Variants in ZSCAN21 observed in about 807,000 individuals in gnomAD.
ZSCAN21 encodes the protein zinc finger and SCAN domain-containing protein 21.
A neutral mutation model predicts 35.6 loss-of-function variants in ZSCAN21; 26 were observed. The observed-to-expected ratio is 0.73, with a 90% CI of 0.54 to 1.01. ZSCAN21 has a LOEUF of 1.01. ZSCAN21 is among the 50% of genes least tolerant of loss of function. ZSCAN21 has a pLI of 0.00. For missense variants in ZSCAN21, 593 were observed against 587.1 expected, an observed-to-expected ratio of 1.01 and a Z score of -0.10; for synonymous variants, 219 against 219.3, an observed-to-expected ratio of 1.00 and a Z score of 0.01.
intron 3 of ZSCAN21, among the ~76,000 whole-genome samples, chr7:100,062,921 CTG>C (rs1431068783): frequency 6.6e-6 from 1 of 152,208 alleles, no homozygotes; most frequent in Admixed American, 6.5e-5. Flanking sequence ...GGGTCTCACT[CTG>C]TTGCCCAGGC....
chr7:100,063,688 G>A, intron 3 of ZSCAN21, 100 bp from the exon 4 acceptor site: 2 of 1,155,788 alleles, frequency 1.7e-6, no homozygotes, highest in African/African-American at 1.5e-5. Flanking sequence ...TCACCCTTCA[G>A]AAACCATCAG....
chr7:100,059,675 C>T (rs1562847526), intron 3 of ZSCAN21, among the ~76,000 whole-genome samples: 1 of 151,956 alleles, frequency 6.6e-6, no homozygotes, highest in Admixed American at 6.6e-5. Flanking sequence ...GCCTCAGCCT[C>T]CCGAGTAGCT....
chr7:100,057,854 G>C lies in ZSCAN21; in HGVS notation c.556G>C (p.Glu186Gln). Residue 186 changes from glutamate (E) to glutamine (Q), a missense_variant, in exon 3 of 4, where the codon GAG (glutamate) becomes CAG (glutamine). Coordinates refer to ENST00000292450, the MANE Select transcript of ZSCAN21 (RefSeq NM_145914.3). ...CCTGTACATCCAAGAGTCTGGTGAG[G>C]AGCAGGAGTTCGCTCAAGATCCAAG... ...GPLYIQESGE[E>Q]QEFAQDPRKV... is the part of the protein sequence containing the mutation. 1 of 1,612,444 alleles carries C rather than the reference G, an allele frequency of 6.2e-7. No individual in the cohort carries two copies. The highest frequency in any genetic ancestry group is 1.3e-5 in the African/African-American group (1 of 74,916).
intron 1 of ZSCAN21, among the ~76,000 whole-genome samples, chr7:100,053,546 A>ATACATACATACATACATAT (rs755978112): frequency 1.3e-5 from 1 of 79,488 alleles, no homozygotes; most frequent in Non-Finnish European, 2.6e-5. Context: ...TACATACATA[A>ATACATACATACATACATAT]TTTTTTTTTT....
intron 3 of ZSCAN21, 143 bp downstream of exon 3, chr7:100,058,033 T>C: frequency 2.9e-6 from 2 of 692,234 alleles, no homozygotes; most frequent in Non-Finnish European, 4.4e-6. Context: ...TAGTCCCCTT[T>C]CCTCCCCCAA....
Position 100,063,594 on chromosome 7 carries a change from C to CA in ZSCAN21, c.593-183dup, listed in dbSNP as rs138796923. Among the ~76,000 whole-genome samples, 206 of 142,382 alleles carry CA rather than the reference C, an allele frequency of 1.4e-3. 4 individuals carry two copies. The South Asian group carries it at 0.029, about 20-fold the overall frequency. 93.4% of individuals were successfully genotyped at this position (142,382 alleles called of 152,430 possible). A position where few individuals can be genotyped will look rare whatever the true frequency, so the allele number is the denominator to read the frequency against. ...GCCTGCTGACAGCGAGACTCCATCT[C>CA]AAAAAAAAAAAGAAGTGCAGTATTG... On this transcript the variant is annotated intron_variant, in intron 3 of 3. Coordinates refer to ENST00000292450, the MANE Select transcript of ZSCAN21 (RefSeq NM_145914.3).
rs558746672 is a variant in ZSCAN21, at chr7:100,049,861, G to A, written c.-97+20G>A. 6.6e-6 allele frequency: 1 copy of A among 152,498 alleles called. No individual in the cohort carries two copies. The highest frequency in any genetic ancestry group is 2.4e-5 in the African/African-American group (1 of 41,488). The allele number at this position is 152,498 out of a possible 1,614,324, so 9.4% of individuals were successfully genotyped here. On this transcript the variant is annotated intron_variant, in intron 1 of 3. Transcript: ENST00000292450. ...TTCATGGTGAGCCTGCTGGTCGCGG[G>A]TTAGCGAGGCGGACAGGAGAGGGAG... is the stretch of plus-strand genomic sequence containing the variant.
At chr7:100,060,176 C>G (rs1425877855) in intron 3 of ZSCAN21, among the ~76,000 whole-genome samples, 1 of 152,214 alleles carries the variant, frequency 6.6e-6, no homozygotes, top group Non-Finnish European at 1.5e-5. Flanking sequence ...TGAAATGCTA[C>G]TTAGAAAGAT....
In ZSCAN21 at chr7:100,064,067, A is replaced by G. The variant is rs1382172687; in HGVS notation, c.872A>G (p.Asn291Ser). ...ECGKAFSNSSNLTKHRRTHTG... is the reference protein window; with the variant it reads ...ECGKAFSNSSSLTKHRRTHTG... ...GGCAAAGCCTTTAGTAATAGCTCAA[A>G]TCTCACCAAACACAGGAGAACACAC... The change falls in exon 4 of 4, where the codon AAT becomes AGT. Residue 291 changes from asparagine (N) to serine (S), a missense_variant. By Grantham distance (46) the Asn-to-Ser change is conservative (BLOSUM62 1). Transcript: ENST00000292450. 1.2e-6 allele frequency: 2 copies of G among 1,614,050 alleles called. No homozygotes were observed. Among genetic ancestry groups the G allele is most frequent in the African/African-American group, 2.7e-5 (2 of 74,930 alleles).
intron 1 of ZSCAN21, among the ~76,000 whole-genome samples, chr7:100,053,546 A>ATACATAGTTTTTTTTTTTTT (rs755978112): frequency 1.3e-5 from 1 of 79,488 alleles, no homozygotes. Flanking sequence ...TACATACATA[A>ATACATAGTTTTTTTTTTTTT]TTTTTTTTTT....
Position 100,064,557 on chromosome 7 carries a change from T to G in ZSCAN21, c.1362T>G (p.Cys454Trp). ...YWCHHCGKTF[C>W]SKSNLSKHQR... ...GTCATCACTGTGGAAAGACCTTCTG[T>G]AGCAAGTCCAATCTTTCCAAACATC... The change falls in exon 4 of 4, where the codon TGT becomes TGG. Residue 454 changes from cysteine to tryptophan, a missense_variant. Transcript: ENST00000292450. 6.2e-7 allele frequency: 1 copy of G among 1,614,176 alleles called. No homozygotes were observed. Among genetic ancestry groups the G allele is most frequent in the Non-Finnish European group, 8.5e-7 (1 of 1,180,042 alleles).
chr7:100,054,284 C>G (rs1236610107), intron 1 of ZSCAN21, among the ~76,000 whole-genome samples: 2 of 151,300 alleles, frequency 1.3e-5, no homozygotes, highest in Non-Finnish European at 2.9e-5. Context: ...GAGTCTCACT[C>G]TGTTGCCCAG....
Position 100,064,571 on chromosome 7 carries a change from T to A in ZSCAN21, c.1376T>A (p.Leu459His). Residue 459 changes from leucine (L) to histidine (H), a missense_variant, in exon 4 of 4, where the codon CTT (leucine) becomes CAT (histidine). Physicochemically the swap from Leu to His is moderately conservative, Grantham distance 99. Transcript: ENST00000292450. Reference sequence around the variant, plus strand: ...AAGACCTTCTGTAGCAAGTCCAATCTTTCCAAACATCAGCGAGTCCACACT... The same window carrying A: ...AAGACCTTCTGTAGCAAGTCCAATCATTCCAAACATCAGCGAGTCCACACT... Reference protein sequence around the residue: ...CGKTFCSKSNLSKHQRVHTGE... With the variant: ...CGKTFCSKSNHSKHQRVHTGE... The A allele has an allele frequency of 6.2e-7, 1 of 1,614,204 alleles. No individual in the cohort carries two copies. Among genetic ancestry groups the A allele is most frequent in the Non-Finnish European group, 8.5e-7 (1 of 1,180,030 alleles).
In ZSCAN21 at chr7:100,064,347, G is replaced by C. The variant is rs915573970; in HGVS notation, c.1152G>C (p.Gly384=). The part of the protein sequence containing the change: ...SLIRHYRIHT[G]EKPYQCNECG... ...TTCGTCACTATCGGATCCACACTGG[G>C]GAGAAGCCTTATCAGTGTAACGAAT... The change falls in exon 4 of 4, where the codon GGG becomes GGC. Residue 384 remains glycine, a synonymous_variant. Coordinates refer to ENST00000292450, the MANE Select transcript of ZSCAN21 (RefSeq NM_145914.3). The C allele has an allele frequency of 6.2e-7, 1 of 1,614,164 alleles. No homozygotes were observed. The highest frequency in any genetic ancestry group is 8.5e-7 in the Non-Finnish European group (1 of 1,180,030).
chr7:100,051,282 C>CTTTTTTTTTT (rs1164734568), intron 1 of ZSCAN21, among the ~76,000 whole-genome samples: 861 of 34,974 alleles, frequency 0.025, 310 homozygotes, highest in East Asian at 0.066. Flanking sequence ...TAGGGATTTT[C>CTTTTTTTTTT]TTTTTTTTTT....
intron 3 of ZSCAN21, among the ~76,000 whole-genome samples, chr7:100,059,551 CTTTTTTTT>C (rs11342747): frequency 1.2e-5 from 1 of 83,272 alleles, no homozygotes; most frequent in East Asian, 3.6e-4. Flanking sequence ...TGCATAAAGT[CTTTTTTTT>C]TTTTTTTTTT....
At chr7:100,055,751 C>T (rs1699506223) in intron 1 of ZSCAN21, among the ~76,000 whole-genome samples, 2 of 151,286 alleles carry the variant, frequency 1.3e-5, no homozygotes, top group African/African-American at 4.9e-5. Flanking sequence ...GGCCATTCTC[C>T]TGCCTCAGCC....
intron 1 of ZSCAN21, among the ~76,000 whole-genome samples, chr7:100,050,569 G>A (rs1227888824): frequency 6.6e-6 from 1 of 151,982 alleles, no homozygotes. Context: ...GTGGTGGAGC[G>A]CGCCTGTAAT....
rs748091707 is a variant in ZSCAN21, at chr7:100,064,816, G to A, written c.*199G>A. ...GAAGGTGTCAGGAGGTTCCACACTC[G>A]CCAGTTCACTGGAGCAGAGTCCCTT... On this transcript the variant is annotated 3_prime_UTR_variant, in exon 4 of 4. Transcript: ENST00000292450. 42 of 1,614,026 alleles carry A rather than the reference G, an allele frequency of 2.6e-5. No homozygotes were observed. Among genetic ancestry groups the A allele is most frequent in the East Asian group, 8.9e-5 (4 of 44,896 alleles).
Sources: allele counts gnomAD v4.1 joint callset (sites outside exome capture counted in the v4.1 genomes callset), GRCh38; gene constraint gnomAD v4.1.1; transcripts MANE v1.5; gene names NCBI Gene and HGNC (gene_info 2026-07-23, HGNC 2026-07-21).